Variants in ADAP1 observed in about 807,000 individuals in gnomAD.
ADAP1 encodes arf-GAP with dual PH domain-containing protein 1.
A neutral mutation model predicts 54.9 loss-of-function variants in ADAP1; 31 were observed. The observed-to-expected ratio is 0.56, with a 90% CI of 0.42 to 0.76. The LOEUF (loss-of-function observed/expected upper bound fraction) is 0.76, where lower values mean the gene tolerates loss of function less well. Among genes scored for constraint, ADAP1 ranks in the 30% least tolerant of loss-of-function variants. The probability of loss-of-function intolerance (pLI) is 0.00; values close to 1 mark genes in which losing one functional copy is unlikely to be tolerated. For synonymous variants in ADAP1, 313 were observed against 202.6 expected, an observed-to-expected ratio of 1.55 and a Z score of -4.63; for missense variants, 535 against 512.4, an observed-to-expected ratio of 1.04 and a Z score of -0.42.
At chr7:933,265 C>T (rs1444007776) in intron 2 of ADAP1, among the ~76,000 whole-genome samples, 12 of 149,906 alleles carry the variant, frequency 8.0e-5, no homozygotes, top group African/African-American at 2.7e-4. Flanking sequence ...AGCCAGACTC[C>T]GTCTCAAAAA....
chr7:945,887 G>C lies in ADAP1; in HGVS notation c.82+8509C>G. On this transcript the variant is annotated intron_variant, in intron 1 of 10. Coordinates refer to ENST00000265846, the MANE Select transcript of ADAP1 (RefSeq NM_006869.4). The surrounding 1 kb of genome is among the most constrained non-coding windows in gnomAD (Gnocchi z 4.2). ...GGGCAGGCGTGTCCCCCAAGCCAAG[G>C]CCCAGGCTGGGGCACGGGCAGGGGG... 5.2e-6 allele frequency: 5 copies of C among 956,650 alleles called. No individual in the cohort carries two copies. The highest frequency in any genetic ancestry group is 6.2e-6 in the Non-Finnish European group (5 of 803,624). The allele number at this position is 956,650 out of a possible 1,614,324, so 59.3% of individuals were successfully genotyped here.
chr7:942,551 AGAGT>A (rs1846979469), intron 1 of ADAP1, among the ~76,000 whole-genome samples: 2 of 88,544 alleles, frequency 2.3e-5, no homozygotes, highest in Non-Finnish European at 2.6e-5. Context: ...GGAGGAAGAG[AGAGT>A]AGGAGGAAGA....
intron 3 of ADAP1, among the ~76,000 whole-genome samples, chr7:922,122 C>T (rs369865118): frequency 1.7e-4 from 26 of 152,312 alleles, no homozygotes; most frequent in Middle Eastern, 3.4e-3. Flanking sequence ...GGAGCCCTCC[C>T]GACTCCCACA....
chr7:907,125 T>A (rs892553520), intron 4 of ADAP1, among the ~76,000 whole-genome samples: 1 of 152,142 alleles, frequency 6.6e-6, no homozygotes, highest in South Asian at 2.1e-4. Flanking sequence ...AAAGCTCATC[T>A]GAGGGGAGTC....
At chr7:911,490 CA>C (rs1183568837) in intron 4 of ADAP1, among the ~76,000 whole-genome samples, 5 of 152,154 alleles carry the variant, frequency 3.3e-5, no homozygotes, top group Non-Finnish European at 5.9e-5. Context: ...CCCCAGCGCC[CA>C]AGAACAGCGA....
At chr7:917,012 G>T (rs1424157806) in intron 4 of ADAP1, among the ~76,000 whole-genome samples, 8 of 62,266 alleles carry the variant, frequency 1.3e-4, no homozygotes, top group African/African-American at 2.1e-4. Flanking sequence ...TACCGGGGAG[G>T]TGCACGGGAG....
chr7:905,058 A>C lies in ADAP1; in HGVS notation c.501+2T>G. 1 of 1,609,970 alleles carries C rather than the reference A, an allele frequency of 6.2e-7. No homozygotes were observed. Among genetic ancestry groups the C allele is most frequent in the South Asian group, 1.1e-5 (1 of 91,076 alleles). On this transcript the variant is annotated splice_donor_variant, in intron 5 of 10. Transcript: ENST00000265846. LOFTEE classifies it high-confidence loss of function. ...CCCACCCCACCCCCGTCTGTGACTCACATCATTTCTGTTGAAATACTTCAG... is the reference window on the plus strand; with the variant it reads ...CCCACCCCACCCCCGTCTGTGACTCCCATCATTTCTGTTGAAATACTTCAG...
At chr7:901,732 C>T (rs895050082) in intron 6 of ADAP1, among the ~76,000 whole-genome samples, 1 of 151,710 alleles carries the variant, frequency 6.6e-6, no homozygotes, top group African/African-American at 2.4e-5. Flanking sequence ...CCACGCCACC[C>T]AACCAGCCCG....
chr7:901,463 C>G (rs1370437588), intron 6 of ADAP1: 1 of 175,026 alleles, frequency 5.7e-6, no homozygotes, highest in African/African-American at 2.4e-5. Context: ...TCCCCAGCCC[C>G]TTTGGCCTTG....
At chr7:948,514 C>T (rs565215607) in intron 1 of ADAP1, among the ~76,000 whole-genome samples, 1 of 152,232 alleles carries the variant, frequency 6.6e-6, no homozygotes, top group East Asian at 1.9e-4. Context: ...CTTAGCAGAA[C>T]TTCTCCAAAT....
intron 3 of ADAP1, among the ~76,000 whole-genome samples, chr7:921,220 C>G (rs1846181518): frequency 6.6e-6 from 1 of 152,180 alleles, no homozygotes; most frequent in South Asian, 2.1e-4. Flanking sequence ...GTGCCCCCAC[C>G]TCGGCGCCGT....
chr7:899,521 G>A (rs1221421412), intron 8 of ADAP1, 31 bp from the exon 9 acceptor site: 28 of 1,604,916 alleles, frequency 1.7e-5, no homozygotes, highest in Non-Finnish European at 2.3e-5. Flanking sequence ...GTGACCGGCA[G>A]GTCGCCGAGG....
Position 941,077 on chromosome 7 carries a change from G to A in ADAP1, c.83-5572C>T, listed in dbSNP as rs1846927812. Among the ~76,000 whole-genome samples the A allele has an allele frequency of 2.0e-5, 3 of 152,168 alleles. No homozygotes were observed. The South Asian group carries it at 6.2e-4, about 32-fold the overall frequency. The stretch of plus-strand genomic sequence containing the variant: ...GGAATTTCCCCAATTTGACATAGAT[G>A]ATTCAACAGATGCAAAAAATGTTGG... On this transcript the variant is annotated intron_variant, in intron 1 of 10. Transcript: ENST00000265846.
chr7:937,334 C>T lies in ADAP1; in HGVS notation c.83-1829G>A, dbSNP rs77397414. Among the ~76,000 whole-genome samples, 408 of 42,436 alleles carry T rather than the reference C, an allele frequency of 9.6e-3. 135 individuals are homozygous for T. The East Asian group carries it at 0.16, about 16-fold the overall frequency. The allele number at this position is 42,436 out of a possible 152,430, so 27.8% of individuals were successfully genotyped here. Reference sequence around the variant, plus strand: ...CCTGGCCTCTGGGATTTGGGGGTCACGCTGCACATCTGGGATTTGGGGGTC... The same window carrying T: ...CCTGGCCTCTGGGATTTGGGGGTCATGCTGCACATCTGGGATTTGGGGGTC... On this transcript the variant is annotated intron_variant, in intron 1 of 10. Transcript: ENST00000265846.
chr7:926,524 T>G lies in ADAP1; in HGVS notation c.305+29A>C. On this transcript the variant is annotated intron_variant, in intron 3 of 10. Coordinates refer to ENST00000265846, the MANE Select transcript of ADAP1 (RefSeq NM_006869.4). This position sits in a 1 kb window ranked among gnomAD's most constrained non-coding sequence, Gnocchi z 4.6. ...CTCGGAGCCACCCAGCACTTGACCA[T>G]GGCCCTGACAAGGCCCCTTTGTACT... 7.3e-6 allele frequency: 11 copies of G among 1,507,500 alleles called. No individual in the cohort carries two copies. The highest frequency in any genetic ancestry group is 9.7e-6 in the Non-Finnish European group (11 of 1,128,230). The allele number at this position is 1,507,500 out of a possible 1,614,324, so 93.4% of individuals were successfully genotyped here. A position where few individuals can be genotyped will look rare whatever the true frequency, so the allele number is the denominator to read the frequency against.
chr7:907,286 G>C (rs779198116), intron 4 of ADAP1, among the ~76,000 whole-genome samples: 3 of 152,288 alleles, frequency 2.0e-5, no homozygotes, highest in Middle Eastern at 6.8e-3. Context: ...GGACGCTGCT[G>C]TGGCAGACGA....
intron 3 of ADAP1, among the ~76,000 whole-genome samples, chr7:925,200 T>C (rs1846340461): frequency 6.6e-6 from 1 of 151,744 alleles, no homozygotes; most frequent in Admixed American, 6.6e-5. Context: ...ACTGAGTCGC[T>C]CGTGGCCTGA....
At chr7:936,601 C>A (rs913949450) in intron 1 of ADAP1, among the ~76,000 whole-genome samples, 3 of 152,248 alleles carry the variant, frequency 2.0e-5, no homozygotes, top group African/African-American at 7.2e-5. Flanking sequence ...GCTAAGAGGG[C>A]TGCTGTGTGA....
chr7:947,980 C>T (rs1256827838), intron 1 of ADAP1, among the ~76,000 whole-genome samples: 2 of 151,966 alleles, frequency 1.3e-5, no homozygotes, highest in Non-Finnish European at 2.9e-5. Context: ...CCACCCCCGA[C>T]ACCACCAGCC....
Sources: gnomAD v4.1 joint callset for allele counts (sites outside exome capture counted in the v4.1 genomes callset) on GRCh38, gnomAD v4.1.1 for gene constraint, Gnocchi (gnomAD v3.1) non-coding constraint, MANE v1.5 for transcripts, NCBI Gene and HGNC (gene_info 2026-07-23, HGNC 2026-07-21) for gene names.